The following FRMD6 variants were observed in gnomAD, a reference collection of about 807,000 sequenced individuals.
FRMD6 encodes FERM domain-containing protein 6.
Under a neutral mutation model 73.2 loss-of-function variants are expected in FRMD6, and 37 were observed. That is an observed-to-expected ratio of 0.51 (90% confidence interval 0.39 to 0.66). The LOEUF is 0.66. Among genes scored for constraint, FRMD6 ranks in the 30% least tolerant of loss-of-function variants. FRMD6 has a pLI of 0.00. For missense variants in FRMD6, 714 were observed against 780.5 expected (o/e 0.91, Z 1.02); for synonymous variants, 273 against 282.2 (o/e 0.97, Z 0.33).
intron 1 of FRMD6, among the ~76,000 whole-genome samples, chr14:51,530,699 C>T (rs1205532010): frequency 2.0e-5 from 3 of 151,740 alleles, no homozygotes; most frequent in Non-Finnish European, 2.9e-5. Flanking sequence ...GTTGCCTAGG[C>T]TGGTCTTGAA....
At chr14:51,510,576 A>G (rs915609237) in intron 1 of FRMD6, among the ~76,000 whole-genome samples, 43 of 152,096 alleles carry the variant, frequency 2.8e-4, no homozygotes, top group African/African-American at 9.7e-4. Flanking sequence ...CGTGAAGGAG[A>G]GCTCTGTAGA....
At chr14:51,655,822 G>A (rs2140124452) in intron 1 of FRMD6, among the ~76,000 whole-genome samples, 1 of 152,284 alleles carries the variant, frequency 6.6e-6, no homozygotes, top group East Asian at 1.9e-4. Context: ...AGTTATCCTG[G>A]AAATTTTGCC....
intron 2 of FRMD6, among the ~76,000 whole-genome samples, chr14:51,636,794 G>T (rs1354062112): frequency 6.6e-6 from 1 of 152,084 alleles, no homozygotes; most frequent in Non-Finnish European, 1.5e-5. Flanking sequence ...CTGTGAGAGG[G>T]GTGACGTGAG....
chr14:51,627,828 G>T (rs548847511), intron 2 of FRMD6, among the ~76,000 whole-genome samples: 1 of 152,190 alleles, frequency 6.6e-6, no homozygotes, highest in Non-Finnish European at 1.5e-5. Flanking sequence ...ACAGTGAATA[G>T]TCATCCCTCC....
chr14:51,492,644 T>A (rs1036927631), intron 1 of FRMD6, among the ~76,000 whole-genome samples: 1 of 152,144 alleles, frequency 6.6e-6, no homozygotes, highest in Admixed American at 6.5e-5. Context: ...TTTGAATTTT[T>A]AAAAAAAGAG....
In FRMD6 at chr14:51,526,959, G is replaced by A. The variant is rs1245625705; in HGVS notation, c.-210+37539G>A. On this transcript the variant is annotated intron_variant, in intron 1 of 14. Coordinates refer to the FRMD6 transcript ENST00000356218. ...ATATTACTAAATACCTGGCAAGAAG[G>A]ACAAGGTAGATGAGTATGGGAATGA... is the stretch of plus-strand genomic sequence containing the variant. 3.9e-5 allele frequency among the ~76,000 whole-genome samples: 6 copies of A among 152,340 alleles called. No individual in the cohort carries two copies. The East Asian group carries it at 1.2e-3, about 29-fold the overall frequency.
intron 1 of FRMD6, among the ~76,000 whole-genome samples, chr14:51,563,528 G>A (rs1887599472): frequency 6.6e-6 from 1 of 152,082 alleles, no homozygotes; most frequent in South Asian, 2.1e-4. Flanking sequence ...AAATTAACTG[G>A]GCATGGTGGT....
intron 2 of FRMD6, among the ~76,000 whole-genome samples, chr14:51,600,477 A>T (rs1385190167): frequency 6.6e-6 from 1 of 152,248 alleles, no homozygotes; most frequent in Non-Finnish European, 1.5e-5. Flanking sequence ...CACTGTGAAT[A>T]TTTAACACAC....
the FRMD6 span, among the ~76,000 whole-genome samples, chr14:51,432,458 A>C: frequency 6.6e-6 from 1 of 152,190 alleles, no homozygotes; most frequent in East Asian, 1.9e-4. Context: ...ATCATCAGTC[A>C]TAAGGTCAGT....
chr14:51,507,937 C>T (rs1052526151), intron 1 of FRMD6, among the ~76,000 whole-genome samples: 11 of 152,288 alleles, frequency 7.2e-5, no homozygotes, highest in African/African-American at 2.4e-4. Context: ...CAGGGATGCT[C>T]TGCCTTCCAG....
chr14:51,403,174 C>A, the FRMD6 span, among the ~76,000 whole-genome samples: 4 of 152,198 alleles, frequency 2.6e-5, no homozygotes, highest in Admixed American at 2.6e-4. Flanking sequence ...ATACCATCTA[C>A]CTGGTTTAAG....
chr14:51,542,032 G>A lies in FRMD6; in HGVS notation c.-209-28316G>A, dbSNP rs926541929. Among the ~76,000 whole-genome samples the A allele has an allele frequency of 5.9e-5, 9 of 151,956 alleles. No homozygotes were observed. The East Asian group carries it at 1.7e-3, about 29-fold the overall frequency. On this transcript the variant is annotated intron_variant, in intron 1 of 14. Coordinates refer to the FRMD6 transcript ENST00000356218. ...TTGTTCCCAATACCACCTGCATCAC[G>A]TTACTGTGGTACTTATTAAAACTAC...
chr14:51,669,229 G>A (rs1893826914), intron 1 of FRMD6, among the ~76,000 whole-genome samples: 1 of 152,074 alleles, frequency 6.6e-6, no homozygotes, highest in African/African-American at 2.4e-5. Context: ...GCACATATCA[G>A]TAGTTCCTCT....
At chr14:51,658,150 G>A (rs139781799) in intron 1 of FRMD6, among the ~76,000 whole-genome samples, 118 of 152,316 alleles carry the variant, frequency 7.7e-4, no homozygotes, top group Admixed American at 2.8e-3. Flanking sequence ...TCACTGCCTG[G>A]AGGATGGGTG....
the FRMD6 span, among the ~76,000 whole-genome samples, chr14:51,459,882 C>CTTTTTTTTTTTTTT: frequency 6.6e-3 from 154 of 23,354 alleles, 1 homozygote; most frequent in African/African-American, 0.032. Context: ...ATTACTGACT[C>CTTTTTTTTTTTTTT]TCTTTTTTTT....
chr14:51,511,318 T>G (rs899736548), intron 1 of FRMD6, among the ~76,000 whole-genome samples: 1 of 152,242 alleles, frequency 6.6e-6, no homozygotes, highest in African/African-American at 2.4e-5. Flanking sequence ...TAGAGGCCAG[T>G]GGCCATGAAC....
At chr14:51,491,880 G>T in intron 1 of FRMD6, among the ~76,000 whole-genome samples, 1 of 152,188 alleles carries the variant, frequency 6.6e-6, no homozygotes, top group Admixed American at 6.5e-5. Flanking sequence ...GGAGGCTCTG[G>T]AAAGGTCTGC....
chr14:51,629,121 C>T (rs139542059), intron 2 of FRMD6, among the ~76,000 whole-genome samples: 4 of 152,164 alleles, frequency 2.6e-5, no homozygotes, highest in Admixed American at 1.3e-4. Context: ...TCTTGTGATC[C>T]GCCCGCCTCG....
chr14:51,629,632 G>A (rs1891262041), intron 2 of FRMD6, among the ~76,000 whole-genome samples: 1 of 152,156 alleles, frequency 6.6e-6, no homozygotes, highest in Non-Finnish European at 1.5e-5. Context: ...GTCTTTAGAA[G>A]CAGAAAGGGA....
Sources: allele counts gnomAD v4.1 joint callset (sites outside exome capture counted in the v4.1 genomes callset), GRCh38; gene constraint gnomAD v4.1.1; transcripts MANE v1.5; gene names NCBI Gene and HGNC (gene_info 2026-07-23, HGNC 2026-07-21).